SLC25A26: variants seen among roughly 807,000 people sequenced by gnomAD.
SLC25A26 encodes the protein mitochondrial S-adenosylmethionine carrier protein.
Under a neutral mutation model 37.8 loss-of-function variants are expected in SLC25A26, and 36 were observed. The observed-to-expected ratio is 0.95, with a 90% confidence interval of 0.73 to 1.26. The LOEUF (loss-of-function observed/expected upper bound fraction) is 1.26. Ranked by LOEUF, SLC25A26 falls within the 50% of genes most tolerant of loss-of-function variation. The probability of loss-of-function intolerance (pLI) is 0.00; values close to 1 mark genes in which losing one functional copy is unlikely to be tolerated. For synonymous variants in SLC25A26, 129 were observed against 122.5 expected (o/e 1.05, Z -0.35); for missense variants, 390 against 331.1 (o/e 1.18, Z -1.38).
chr3:66,150,742 C>A (rs1267258810), intron 1 of SLC25A26, among the ~76,000 whole-genome samples: 1 of 145,534 alleles, frequency 6.9e-6, no homozygotes, highest in South Asian at 2.2e-4. Context: ...GTAGCTTGTC[C>A]CCTGGACTGG....
intron 1 of SLC25A26, among the ~76,000 whole-genome samples, chr3:66,194,910 CT>C (rs2071018579): frequency 6.6e-6 from 1 of 152,170 alleles, no homozygotes; most frequent in Non-Finnish European, 1.5e-5. Flanking sequence ...CCAAAACTTG[CT>C]TAAAGGAACG....
intron 1 of SLC25A26, among the ~76,000 whole-genome samples, chr3:66,204,404 C>T (rs1221548351): frequency 1.7e-5 from 2 of 120,234 alleles, no homozygotes; most frequent in Admixed American, 1.1e-4. Context: ...CCAGCCTGGG[C>T]GACTGAGTGA....
intron 7 of SLC25A26, among the ~76,000 whole-genome samples, chr3:66,366,126 G>A (rs1205604140): frequency 6.6e-6 from 1 of 152,184 alleles, no homozygotes; most frequent in Non-Finnish European, 1.5e-5. Flanking sequence ...AAAGCAGTTA[G>A]CCTAACATTC....
At chr3:66,166,774 T>C (rs2070430399) in intron 1 of SLC25A26, among the ~76,000 whole-genome samples, 1 of 152,166 alleles carries the variant, frequency 6.6e-6, no homozygotes, top group Non-Finnish European at 1.5e-5. Flanking sequence ...GCCTGGCCAC[T>C]GGAATGGCCA....
intron 1 of SLC25A26, among the ~76,000 whole-genome samples, chr3:66,153,403 T>G (rs1204210038): frequency 2.0e-5 from 3 of 152,194 alleles, no homozygotes; most frequent in Non-Finnish European, 4.4e-5. Context: ...CGAGCTTTAT[T>G]GCCCTTAAGA....
At chr3:66,222,182 A>AT (rs373274771) in intron 1 of SLC25A26, among the ~76,000 whole-genome samples, 12,459 of 139,774 alleles carry the variant, frequency 0.089, 612 homozygotes, top group African/African-American at 0.14. Context: ...AATGTTACTG[A>AT]TTTTTTTTTT....
intron 1 of SLC25A26, among the ~76,000 whole-genome samples, chr3:66,192,263 C>A (rs2106792729): frequency 6.9e-6 from 1 of 145,156 alleles, no homozygotes; most frequent in South Asian, 2.2e-4. Context: ...TTGCAGTGAG[C>A]CGAGATTGCA....
chr3:66,338,085 A>G (rs60458207), intron 5 of SLC25A26, among the ~76,000 whole-genome samples: 2,195 of 152,104 alleles, frequency 0.014, 66 homozygotes, highest in African/African-American at 0.05. Flanking sequence ...GGAATTTTAT[A>G]TGAATAGAAT....
At chr3:66,215,431 A>T (rs2071345952) in intron 1 of SLC25A26, among the ~76,000 whole-genome samples, 1 of 152,048 alleles carries the variant, frequency 6.6e-6, no homozygotes, top group Non-Finnish European at 1.5e-5. Flanking sequence ...GAATTCCTGG[A>T]CTCAAGTGAT....
intron 5 of SLC25A26, among the ~76,000 whole-genome samples, chr3:66,343,898 G>C (rs1490779813): frequency 6.6e-6 from 1 of 152,124 alleles, no homozygotes; most frequent in Admixed American, 6.6e-5. Flanking sequence ...GTTTCAGAAT[G>C]GATAATGTCA....
At chr3:66,188,568 C>T (rs1275550401) in intron 1 of SLC25A26, among the ~76,000 whole-genome samples, 1 of 152,276 alleles carries the variant, frequency 6.6e-6, no homozygotes, top group East Asian at 1.9e-4. Flanking sequence ...ACATGTGACT[C>T]CCCTTTGCCT....
intron 1 of SLC25A26, among the ~76,000 whole-genome samples, chr3:66,200,998 G>C (rs1473978327): frequency 6.6e-6 from 1 of 152,138 alleles, no homozygotes; most frequent in Non-Finnish European, 1.5e-5. Flanking sequence ...ATCACTATGA[G>C]AAAAAGACTG....
chr3:66,362,182 G>A (rs554290540), intron 6 of SLC25A26, among the ~76,000 whole-genome samples: 138 of 152,172 alleles, frequency 9.1e-4, no homozygotes, highest in African/African-American at 3.2e-3. Context: ...TGATTTCACC[G>A]CTAGGTATTT....
chr3:66,215,510 A>G lies in SLC25A26; in HGVS notation c.-353-5232A>G, dbSNP rs909872465. ...TTAATAGTTTAATTATATCAATGAA[A>G]AAATATGTAACCGTTTTAGGAGGCA... On this transcript the variant is annotated intron_variant, in intron 1 of 10. Coordinates refer to the SLC25A26 transcript ENST00000676754. Among the ~76,000 whole-genome samples, 9 of 152,344 alleles carry G rather than the reference A, an allele frequency of 5.9e-5. 1 individual carries two copies. In the South Asian group the frequency reaches 1.7e-3, roughly 28 times the overall value.
At chr3:66,372,102 A>G (rs1453376809) in intron 9 of SLC25A26, among the ~76,000 whole-genome samples, 3 of 152,238 alleles carry the variant, frequency 2.0e-5, no homozygotes, top group Non-Finnish European at 4.4e-5. Context: ...CAAAAAAACA[A>G]CAACAAAAAA....
intron 1 of SLC25A26, among the ~76,000 whole-genome samples, chr3:66,175,114 T>TATATATATAC (rs1480578676): frequency 5.9e-5 from 5 of 84,214 alleles, no homozygotes; most frequent in African/African-American, 2.3e-4. Context: ...TGTGTGTATA[T>TATATATATAC]ATATATATAT....
chr3:66,328,812 A>G (rs2075901197), intron 5 of SLC25A26, among the ~76,000 whole-genome samples: 1 of 152,246 alleles, frequency 6.6e-6, no homozygotes, highest in Non-Finnish European at 1.5e-5. Flanking sequence ...TGTTGTCTAA[A>G]TGGCACCATT....
At chr3:66,245,874 C>T (rs149017277) in intron 3 of SLC25A26, among the ~76,000 whole-genome samples, 4 of 152,242 alleles carry the variant, frequency 2.6e-5, no homozygotes, top group Non-Finnish European at 5.9e-5. Flanking sequence ...GTGGTTTACA[C>T]CATATTCACA....
rs1404663666 is a variant in SLC25A26, at chr3:66,206,872, C to T, written c.-353-13870C>T. 6.6e-5 allele frequency among the ~76,000 whole-genome samples: 10 copies of T among 151,428 alleles called. No individual in the cohort carries two copies. In the South Asian group the frequency reaches 1.3e-3, roughly 19 times the overall value. On this transcript the variant is annotated intron_variant, in intron 1 of 10. Transcript: ENST00000676754. ...GGGACTGCAGGCATGCACTACCACC[C>T]CTGGCTAATTTTTCTTTCTTTCTTT...
Sources: gnomAD v4.1 joint callset for allele counts (sites outside exome capture counted in the v4.1 genomes callset) on GRCh38, gnomAD v4.1.1 for gene constraint, MANE v1.5 for transcripts, NCBI Gene and HGNC (gene_info 2026-07-23, HGNC 2026-07-21) for gene names.